The following ANKRD24 variants were observed in gnomAD, a reference collection of about 807,000 sequenced individuals.
ANKRD24 encodes ankyrin repeat domain 24.
ANKRD24 carries 109 observed loss-of-function variants against 127.8 expected under a neutral mutation model. The observed-to-expected ratio is 0.85, with a 90% CI of 0.73 to 1.00. The LOEUF is 1.00. Among genes scored for constraint, ANKRD24 ranks in the 50% least tolerant of loss-of-function variants. The pLI, the probability that ANKRD24 is intolerant of heterozygous loss-of-function variation, is 0.00. For synonymous variants in ANKRD24, 743 were observed against 671.1 expected (o/e 1.11, Z -1.66); for missense variants, 1,648 against 1,570.2 (o/e 1.05, Z -0.84).
Position 4,202,858 on chromosome 19 carries a change from C to G in ANKRD24, c.409-11C>G, listed in dbSNP as rs772338854. 1 of 1,584,372 alleles carries G rather than the reference C, an allele frequency of 6.3e-7. No individual in the cohort carries two copies. Among genetic ancestry groups the G allele is most frequent in the Admixed American group, 1.8e-5 (1 of 56,488 alleles). ...GATGGCTCCGCCTCAAAGGACTCGC[C>G]CCATCCCCAGGCTTCCTGCGTGGTG... On this transcript the variant is annotated splice_polypyrimidine_tract_variant and intron_variant, in intron 6 of 21. Transcript: ENST00000318934.
At position 4,195,316 on chromosome 19, in the gene ANKRD24, T is replaced by C. The variant is rs1343526071; in HGVS notation, c.37-4367T>C. Among the ~76,000 whole-genome samples, 2 of 151,562 alleles carry C rather than the reference T, an allele frequency of 1.3e-5. No homozygotes were observed. The highest frequency in any genetic ancestry group is 2.9e-5 in the Non-Finnish European group (2 of 67,878). ...CTCGAACTCCCCATCTCAGGTGATCTGCCTGCCTCAGCCTCCCAAAGTGCT... is the reference window on the plus strand; with the variant it reads ...CTCGAACTCCCCATCTCAGGTGATCCGCCTGCCTCAGCCTCCCAAAGTGCT... On this transcript the variant is annotated intron_variant, in intron 2 of 21. Coordinates refer to ENST00000318934, the MANE Select transcript of ANKRD24 (RefSeq NM_001393985.1). This position sits in a 1 kb window ranked among gnomAD's most constrained non-coding sequence, Gnocchi z 4.2.
chr19:4,223,811 G>A (rs933133563), intron 20 of ANKRD24, among the ~76,000 whole-genome samples: 21 of 151,792 alleles, frequency 1.4e-4, no homozygotes, highest in African/African-American at 4.6e-4. Flanking sequence ...TTATCCGCCC[G>A]CCTTGGCCTC....
chr19:4,189,062 A>G (rs976989062), intron 2 of ANKRD24, among the ~76,000 whole-genome samples: 1 of 148,006 alleles, frequency 6.8e-6, no homozygotes, highest in African/African-American at 2.5e-5. Context: ...TGCCCGCCTC[A>G]GCCTCCCAAA....
rs759137437 is a variant in ANKRD24 at position 4,217,201 on chromosome 19, G to A, written c.2041G>A (p.Gly681Arg). The A allele has an allele frequency of 6.8e-6, 11 of 1,608,898 alleles. No homozygotes were observed. In the Admixed American group the frequency reaches 1.7e-4, roughly 25 times the overall value. Residue 681 changes from glycine to arginine, a missense_variant, in exon 18 of 22, where the codon GGG (glycine) becomes AGG (arginine). Coordinates refer to ENST00000318934, the MANE Select transcript of ANKRD24 (RefSeq NM_001393985.1). ...GGAGGCCACGGGCTCTAGGGCCACA[G>A]GGATGGAATCCACAGGAGTCAGTGC... ...NMEATGSRATGMESTGVSATG... is the reference protein window; with the variant it reads ...NMEATGSRATRMESTGVSATG...
Position 4,207,244 on chromosome 19 carries a change from G to T in ANKRD24, c.469G>T (p.Ala157Ser). The T allele has an allele frequency of 6.2e-7, 1 of 1,613,660 alleles. No homozygotes were observed. The highest frequency in any genetic ancestry group is 8.5e-7 in the Non-Finnish European group (1 of 1,179,800). ...SGWTALHHAA[A>S]GGCLSCSEVL... ...GGACAACCTTTTCTCTTTTGCAGCGGCTGGTGGCTGTCTCTCCTGCTCAGA... is the reference window on the plus strand; with the variant it reads ...GGACAACCTTTTCTCTTTTGCAGCGTCTGGTGGCTGTCTCTCCTGCTCAGA... The change falls in exon 8 of 22, where the codon GCT becomes TCT. Residue 157 changes from alanine to serine, a missense_variant and splice_region_variant. By Grantham distance (99) the Ala-to-Ser change is moderately conservative. Coordinates refer to ENST00000318934, the MANE Select transcript of ANKRD24 (RefSeq NM_001393985.1).
chr19:4,224,616 C>T lies in ANKRD24; in HGVS notation c.*111C>T, dbSNP rs1166420347. 1.3e-5 allele frequency: 14 copies of T among 1,074,438 alleles called. No homozygotes were observed. Among genetic ancestry groups the T allele is most frequent in the Non-Finnish European group, 1.8e-5 (13 of 732,572 alleles). 66.6% of individuals were successfully genotyped at this position (1,074,438 alleles called of 1,614,324 possible). A position where few individuals can be genotyped will look rare whatever the true frequency, so the allele number is the denominator to read the frequency against. ...GGCTTCACTTGGCCCTATCCAGGCC[C>T]ATGCACTTGGAGACCAGCCTGGTTC... On this transcript the variant is annotated 3_prime_UTR_variant, in exon 22 of 22. Transcript: ENST00000318934.
intron 2 of ANKRD24, among the ~76,000 whole-genome samples, chr19:4,189,556 G>GTTT (rs35456385): frequency 6.8e-6 from 1 of 146,798 alleles, no homozygotes; most frequent in Non-Finnish European, 1.5e-5. Context: ...CCGGCCCTAA[G>GTTT]TTTTTTTTTT....
rs939206437 is a variant in ANKRD24, at chr19:4,198,484, C to G, written c.37-1199C>G. ...CCCGTGCGCCCCCCGCGCCCCGCGC[C>G]CCGGACGCCATGAAGCAGCTGTGTC... On this transcript the variant is annotated intron_variant, in intron 2 of 21. Coordinates refer to ENST00000318934, the MANE Select transcript of ANKRD24 (RefSeq NM_001393985.1). This position sits in a 1 kb window ranked among gnomAD's most constrained non-coding sequence, Gnocchi z 6.1. 1.6e-5 allele frequency: 10 copies of G among 623,218 alleles called. No individual in the cohort carries two copies. Among genetic ancestry groups the G allele is most frequent in the African/African-American group, 1.1e-4 (6 of 52,448 alleles). 38.6% of individuals were successfully genotyped at this position (623,218 alleles called of 1,614,324 possible). A position where few individuals can be genotyped will look rare whatever the true frequency, so the allele number is the denominator to read the frequency against.
At chr19:4,203,172 C>G (rs145126111) in intron 7 of ANKRD24, among the ~76,000 whole-genome samples, 6,434 of 151,910 alleles carry the variant, frequency 0.042, 365 homozygotes, top group African/African-American at 0.13. Flanking sequence ...CTCAGCCTCC[C>G]GAGTAGCTGG....
chr19:4,219,652 C>T lies in ANKRD24; in HGVS notation c.3065C>T (p.Thr1022Ile), dbSNP rs1970337089. The change falls in exon 19 of 22, where the codon ACA (threonine) becomes ATA (isoleucine). Residue 1022 changes from threonine to isoleucine, a missense_variant. Transcript: ENST00000318934. Reference protein sequence around the residue: ...ERHAAEAQLATAEQQLRGLRT... With the variant: ...ERHAAEAQLAIAEQQLRGLRT... ...CACGCAGCCGAGGCACAGCTGGCCACAGCAGAGCAGCAGCTACGGGGGCTA... is the reference window on the plus strand; with the variant it reads ...CACGCAGCCGAGGCACAGCTGGCCATAGCAGAGCAGCAGCTACGGGGGCTA... The T allele has an allele frequency of 1.2e-6, 2 of 1,613,754 alleles. No homozygotes were observed. The highest frequency in any genetic ancestry group is 3.3e-5 in the Admixed American group (2 of 59,992).
intron 12 of ANKRD24, 48 bp downstream of exon 12, chr19:4,210,186 A>G: frequency 6.4e-7 from 1 of 1,571,532 alleles, no homozygotes; most frequent in Non-Finnish European, 8.6e-7. Flanking sequence ...GCCCCCAGGC[A>G]CGGGGAGGGG....
chr19:4,184,515 A>G (rs3760908), intron 1 of ANKRD24, among the ~76,000 whole-genome samples: 28,454 of 152,194 alleles, frequency 0.19, 3,325 homozygotes, highest in East Asian at 0.54. Context: ...CCTCCAAGGC[A>G]GGTGCTCAAC....
intron 1 of ANKRD24, among the ~76,000 whole-genome samples, chr19:4,186,093 G>T (rs1286105380): frequency 6.6e-6 from 1 of 152,194 alleles, no homozygotes; most frequent in Non-Finnish European, 1.5e-5. Flanking sequence ...ATGCATTTAT[G>T]AAGCCCCTCA....
At chr19:4,222,318 G>T (rs1204491756) in intron 19 of ANKRD24, among the ~76,000 whole-genome samples, 2 of 152,200 alleles carry the variant, frequency 1.3e-5, no homozygotes, top group African/African-American at 4.8e-5. Flanking sequence ...GAACCTGGGA[G>T]GCGGAAGTTG....
At chr19:4,224,328 C>T (rs1970623165) in intron 21 of ANKRD24, 100 bp from the exon 22 acceptor site, 5 of 1,440,682 alleles carry the variant, frequency 3.5e-6, no homozygotes, top group East Asian at 4.9e-5. Context: ...CCCCTGTGTG[C>T]ATTTCCCTCC....
rs1420192584 is a variant in ANKRD24, at chr19:4,217,635, G to A, written c.2475G>A (p.Ala825=). 15 of 1,286,990 alleles carry A rather than the reference G, an allele frequency of 1.2e-5. No homozygotes were observed. Among genetic ancestry groups the A allele is most frequent in the South Asian group, 7.1e-5 (3 of 42,066 alleles). 79.7% of individuals were successfully genotyped at this position (1,286,990 alleles called of 1,614,324 possible). A position where few individuals can be genotyped will look rare whatever the true frequency, so the allele number is the denominator to read the frequency against. Residue 825 remains alanine (A), a synonymous_variant, in exon 18 of 22, where the codon GCG becomes GCA. Coordinates refer to ENST00000318934, the MANE Select transcript of ANKRD24 (RefSeq NM_001393985.1). ...LDEARASRLL[A]EEEARGLRAE... ...AGGCTCGGGCCAGCCGGCTGCTGGCGGAGGAGGAGGCGCGGGGCCTGCGGG... is the reference window on the plus strand; with the variant it reads ...AGGCTCGGGCCAGCCGGCTGCTGGCAGAGGAGGAGGCGCGGGGCCTGCGGG...
At position 4,189,243 on chromosome 19, in the gene ANKRD24, C is replaced by CTTTTTTTTTTTTTTTTTTTTTTTTTT. The variant is rs398033749; in HGVS notation, c.36+2804_36+2805insTTTTTTTTTTTTTTTTTTTTTTTTTT. Among the ~76,000 whole-genome samples, 7 of 73,952 alleles carry CTTTTTTTTTTTTTTTTTTTTTTTTTT rather than the reference C, an allele frequency of 9.5e-5. 1 individual carries two copies. The highest frequency in any genetic ancestry group is 1.1e-3 in the South Asian group (2 of 1,874). 48.5% of individuals were successfully genotyped at this position (73,952 alleles called of 152,430 possible). On this transcript the variant is annotated intron_variant, in intron 2 of 21. Transcript: ENST00000318934. The stretch of plus-strand genomic sequence containing the variant: ...TTATTTTTTTTAATTTTTCTTTCTT[C>CTTTTTTTTTTTTTTTTTTTTTTTTTT]TTTTTTTTTTTTTTTTTTTTTTGAA...
At chr19:4,210,566 G>A (rs1969666054) in intron 13 of ANKRD24, among the ~76,000 whole-genome samples, 194 bp downstream of exon 13, 2 of 107,644 alleles carry the variant, frequency 1.9e-5, no homozygotes, top group African/African-American at 5.7e-5. Context: ...TGCACCACCA[G>A]TGTCCTCTGC....
At chr19:4,208,959 G>A in intron 11 of ANKRD24, 158 bp downstream of exon 11, 1 of 737,448 alleles carries the variant, frequency 1.4e-6, no homozygotes, top group Non-Finnish European at 2.2e-6. Flanking sequence ...AGTGGCGGCA[G>A]TGTGCTCAGC....
Sources: gnomAD v4.1 joint callset for allele counts (sites outside exome capture counted in the v4.1 genomes callset) on GRCh38, gnomAD v4.1.1 for gene constraint, Gnocchi (gnomAD v3.1) non-coding constraint, MANE v1.5 for transcripts, NCBI Gene and HGNC (gene_info 2026-07-23, HGNC 2026-07-21) for gene names.